Variants in CNTNAP2 observed in about 807,000 individuals in gnomAD.
CNTNAP2 encodes the protein contactin associated protein 2.
A neutral mutation model predicts 155.2 loss-of-function variants in CNTNAP2; 98 were observed. The ratio of observed to expected loss-of-function variants is 0.63; its 90% CI spans 0.54 to 0.75. CNTNAP2 has a LOEUF of 0.75. CNTNAP2 is among the 30% of genes least tolerant of loss of function. The pLI is 0.00. For missense variants in CNTNAP2, 1,727 were observed against 1,688.1 expected, an observed-to-expected ratio of 1.02 and a Z score of -0.40; for synonymous variants, 651 against 631.2, an observed-to-expected ratio of 1.03 and a Z score of -0.47.
intron 14 of CNTNAP2, among the ~76,000 whole-genome samples, chr7:147,949,432 A>G (rs1800882155): frequency 7.9e-6 from 1 of 126,724 alleles, no homozygotes; most frequent in Admixed American, 7.6e-5. Flanking sequence ...TTCAAGGATC[A>G]ACTGTGTGTA....
At chr7:147,192,796 AT>A (rs910478712) in intron 8 of CNTNAP2, among the ~76,000 whole-genome samples, 1 of 152,088 alleles carries the variant, frequency 6.6e-6, no homozygotes, top group African/African-American at 2.4e-5. Context: ...GTTCGGATTG[AT>A]TTTTGTGCTG....
intron 1 of CNTNAP2, among the ~76,000 whole-genome samples, chr7:146,275,575 G>A (rs1430594507): frequency 6.6e-6 from 1 of 152,142 alleles, no homozygotes; most frequent in Non-Finnish European, 1.5e-5. Context: ...CCACATGTGT[G>A]TGGGGTGTGT....
chr7:146,303,290 C>G (rs1469143185), intron 1 of CNTNAP2, among the ~76,000 whole-genome samples: 1 of 152,080 alleles, frequency 6.6e-6, no homozygotes, highest in African/African-American at 2.4e-5. Context: ...AATAAACACT[C>G]ATGTACCTCT....
At chr7:146,632,719 T>A (rs1799529861) in intron 1 of CNTNAP2, among the ~76,000 whole-genome samples, 1 of 152,042 alleles carries the variant, frequency 6.6e-6, no homozygotes, top group African/African-American at 2.4e-5. Flanking sequence ...GGACATAAAC[T>A]TTTTAAATAT....
chr7:147,608,012 T>C (rs1341085410), intron 12 of CNTNAP2, among the ~76,000 whole-genome samples: 12 of 152,292 alleles, frequency 7.9e-5, no homozygotes, highest in African/African-American at 2.9e-4. Flanking sequence ...ATTACTTATT[T>C]TGTGTATCTT....
At chr7:147,982,444 G>T (rs1035793152) in intron 15 of CNTNAP2, among the ~76,000 whole-genome samples, 2 of 152,180 alleles carry the variant, frequency 1.3e-5, no homozygotes, top group Non-Finnish European at 2.9e-5. Context: ...CACACTGCAG[G>T]ATTAAGATGC....
chr7:148,112,896 A>G (rs1457487785), intron 15 of CNTNAP2, among the ~76,000 whole-genome samples: 2 of 152,090 alleles, frequency 1.3e-5, no homozygotes, highest in African/African-American at 4.8e-5. Context: ...TTTAATTGAA[A>G]GAGTTAAAAG....
chr7:147,530,762 T>A (rs924968279), intron 11 of CNTNAP2, among the ~76,000 whole-genome samples: 1 of 152,068 alleles, frequency 6.6e-6, no homozygotes, highest in African/African-American at 2.4e-5. Context: ...TCAAAACCAA[T>A]CATGCCTTCC....
chr7:148,298,463 T>C (rs1797324653), intron 21 of CNTNAP2, among the ~76,000 whole-genome samples: 1 of 152,164 alleles, frequency 6.6e-6, no homozygotes, highest in Admixed American at 6.5e-5. Context: ...TTTTTCCATC[T>C]TCTCCTCCCT....
intron 9 of CNTNAP2, among the ~76,000 whole-genome samples, chr7:147,356,150 T>A (rs1796058781): frequency 6.6e-6 from 1 of 152,186 alleles, no homozygotes; most frequent in South Asian, 2.1e-4. Context: ...TCAATAAATG[T>A]AATCCATCAC....
At chr7:147,329,956 C>G (rs567545647) in intron 9 of CNTNAP2, among the ~76,000 whole-genome samples, 5 of 152,148 alleles carry the variant, frequency 3.3e-5, no homozygotes, top group African/African-American at 1.2e-4. Flanking sequence ...TATATTTGGC[C>G]TTTGGCTCTG....
intron 8 of CNTNAP2, among the ~76,000 whole-genome samples, chr7:147,177,654 A>G (rs1802376410): frequency 1.3e-5 from 2 of 152,242 alleles, no homozygotes; most frequent in South Asian, 4.1e-4. Context: ...TATGTAGGCA[A>G]CTTCATATTC....
At chr7:146,409,220 G>C (rs1161391112) in intron 1 of CNTNAP2, among the ~76,000 whole-genome samples, 1 of 152,060 alleles carries the variant, frequency 6.6e-6, no homozygotes, top group Non-Finnish European at 1.5e-5. Context: ...AATCAATACA[G>C]TATTAAATAT....
At chr7:147,600,073 C>T (rs1800914498) in intron 12 of CNTNAP2, among the ~76,000 whole-genome samples, 1 of 152,132 alleles carries the variant, frequency 6.6e-6, no homozygotes, top group African/African-American at 2.4e-5. Context: ...TTGTCAAGTA[C>T]TTTTATGCTT....
intron 11 of CNTNAP2, among the ~76,000 whole-genome samples, chr7:147,557,917 T>A (rs1374563865): frequency 6.6e-6 from 1 of 152,154 alleles, no homozygotes; most frequent in Admixed American, 6.5e-5. Flanking sequence ...AGGGAGAGTA[T>A]CCAGGCGGTA....
At chr7:148,327,816 T>C (rs1478318374) in intron 21 of CNTNAP2, among the ~76,000 whole-genome samples, 1 of 152,194 alleles carries the variant, frequency 6.6e-6, no homozygotes, top group African/African-American at 2.4e-5. Flanking sequence ...GAATCTGGTC[T>C]CTGGATCACA....
chr7:147,324,910 C>A (rs80339081), intron 9 of CNTNAP2, among the ~76,000 whole-genome samples: 8,982 of 152,160 alleles, frequency 0.059, 313 homozygotes, highest in Non-Finnish European at 0.071. Flanking sequence ...AGGAAAAATG[C>A]ATTGTTAAAA....
intron 15 of CNTNAP2, among the ~76,000 whole-genome samples, chr7:148,004,670 G>A (rs1431382251): frequency 6.6e-6 from 1 of 152,088 alleles, no homozygotes; most frequent in African/African-American, 2.4e-5. Flanking sequence ...AACAAAGAAA[G>A]CTTCTTTCTT....
intron 3 of CNTNAP2, among the ~76,000 whole-genome samples, chr7:146,954,160 A>G (rs938401726): frequency 2.6e-5 from 4 of 151,956 alleles, no homozygotes; most frequent in Non-Finnish European, 4.4e-5. Context: ...CCTTTGCAAT[A>G]AAATCGTGTT....
Sources: allele counts gnomAD v4.1 joint callset (sites outside exome capture counted in the v4.1 genomes callset), GRCh38; gene constraint gnomAD v4.1.1; transcripts MANE v1.5; gene names NCBI Gene and HGNC (gene_info 2026-07-23, HGNC 2026-07-21).